The following RALGPS1 variants were observed in gnomAD, a reference collection of about 807,000 sequenced individuals.
The protein encoded by RALGPS1 is Ral GEF with PH domain and SH3 binding motif 1.
A neutral mutation model predicts 78.8 loss-of-function variants in RALGPS1; 19 were observed. That is an observed-to-expected ratio of 0.24 (90% CI 0.17 to 0.35). RALGPS1 has a LOEUF of 0.35. Among genes scored for constraint, RALGPS1 ranks in the 10% least tolerant of loss-of-function variants. The pLI is 1.00. For synonymous variants in RALGPS1, 228 were observed against 256.3 expected, an observed-to-expected ratio of 0.89 and a Z score of 1.06; for missense variants, 454 against 688.3, an observed-to-expected ratio of 0.66 and a Z score of 3.81.
chr9:127,051,056 C>G (rs2048268490), intron 6 of RALGPS1, among the ~76,000 whole-genome samples: 1 of 152,224 alleles, frequency 6.6e-6, no homozygotes, highest in East Asian at 1.9e-4. Context: ...GGAGTCGTGC[C>G]TCTCTGCCTT....
chr9:127,010,586 G>A (rs2044250041), intron 4 of RALGPS1, among the ~76,000 whole-genome samples: 1 of 152,092 alleles, frequency 6.6e-6, no homozygotes, highest in Non-Finnish European at 1.5e-5. Flanking sequence ...TGCCTCTTGG[G>A]GCCCTTCTGG....
rs150427217 is a variant in RALGPS1 at position 126,974,621 on chromosome 9, T to G, written c.166-3074T>G. On this transcript the variant is annotated intron_variant, in intron 3 of 18. Transcript: ENST00000259351. The stretch of plus-strand genomic sequence containing the variant: ...CCCTGGACTAGGAGGAAGGAGGAGA[T>G]GGGAGAAGGCTTAAGGAAGCCATTG... Among the ~76,000 whole-genome samples the G allele has an allele frequency of 8.2e-3, 1,248 of 152,082 alleles. 9 individuals carry two copies. Among genetic ancestry groups the G allele is most frequent in the Non-Finnish European group, 0.013 (866 of 67,990 alleles).
intron 7 of RALGPS1, among the ~76,000 whole-genome samples, chr9:127,062,435 A>C (rs982272472): frequency 1.2e-4 from 19 of 152,194 alleles, no homozygotes; most frequent in African/African-American, 3.6e-4. Context: ...CATGACTCAT[A>C]CAAATATAAG....
intron 8 of RALGPS1, among the ~76,000 whole-genome samples, chr9:127,118,727 C>G (rs909570031): frequency 6.6e-6 from 1 of 152,242 alleles, no homozygotes; most frequent in Non-Finnish European, 1.5e-5. Flanking sequence ...CCCAGTCCTG[C>G]TGGGCTGTGG....
chr9:126,946,470 G>A (rs1379391395), intron 1 of RALGPS1, among the ~76,000 whole-genome samples: 2 of 147,318 alleles, frequency 1.4e-5, no homozygotes, highest in Non-Finnish European at 1.5e-5. Flanking sequence ...GGAGACGGAG[G>A]TTGCAGTGAG....
chr9:127,126,620 A>G (rs1564629650), intron 8 of RALGPS1, among the ~76,000 whole-genome samples: 1 of 152,224 alleles, frequency 6.6e-6, no homozygotes. Context: ...TTTTGTCTAC[A>G]GCATTTAATC....
intron 8 of RALGPS1, among the ~76,000 whole-genome samples, chr9:127,105,933 G>A (rs914213660): frequency 6.6e-6 from 1 of 152,200 alleles, no homozygotes; most frequent in African/African-American, 2.4e-5. Context: ...ATGCTTGATT[G>A]TATTGTATCC....
At chr9:127,056,000 T>C (rs751832740) in intron 7 of RALGPS1, among the ~76,000 whole-genome samples, 3 of 152,170 alleles carry the variant, frequency 2.0e-5, no homozygotes, top group African/African-American at 4.8e-5. Flanking sequence ...GCCAGAGAGC[T>C]GCAGCAGGAC....
intron 6 of RALGPS1, among the ~76,000 whole-genome samples, 163 bp downstream of exon 6, chr9:127,050,295 G>T (rs986494117): frequency 6.6e-6 from 1 of 152,174 alleles, no homozygotes; most frequent in African/African-American, 2.4e-5. Context: ...AGAGCCAGCT[G>T]TTAGACCTGC....
At chr9:127,056,896 C>T (rs1317223609) in intron 7 of RALGPS1, among the ~76,000 whole-genome samples, 1 of 152,216 alleles carries the variant, frequency 6.6e-6, no homozygotes, top group Admixed American at 6.5e-5. Flanking sequence ...TGTTTCCTCT[C>T]TGCTCACTTG....
Position 127,220,040 on chromosome 9 carries a change from G to A in RALGPS1, c.*1271G>A, listed in dbSNP as rs1408485668. The A allele has an allele frequency of 2.0e-5, 3 of 152,774 alleles. No individual in the cohort carries two copies. The highest frequency in any genetic ancestry group is 2.4e-5 in the African/African-American group (1 of 41,576). The allele number at this position is 152,774 out of a possible 1,614,324, so 9.5% of individuals were successfully genotyped here. ...ATCACATCCTTATCTGTCACCTTGTGTCACATTTTAAAGTGACTTTTATTT... is the reference window on the plus strand; with the variant it reads ...ATCACATCCTTATCTGTCACCTTGTATCACATTTTAAAGTGACTTTTATTT... On this transcript the variant is annotated 3_prime_UTR_variant, in exon 19 of 19. Coordinates refer to ENST00000259351, the MANE Select transcript of RALGPS1 (RefSeq NM_014636.3).
intron 1 of RALGPS1, among the ~76,000 whole-genome samples, chr9:126,922,103 C>T (rs548079947): frequency 6.6e-6 from 1 of 152,312 alleles, no homozygotes; most frequent in Non-Finnish European, 1.5e-5. Context: ...GAGGACGGAG[C>T]CATTCTGGGC....
At chr9:127,119,581 A>G (rs900173278) in intron 8 of RALGPS1, among the ~76,000 whole-genome samples, 1 of 152,218 alleles carries the variant, frequency 6.6e-6, no homozygotes, top group Non-Finnish European at 1.5e-5. Flanking sequence ...TAAAACTAGA[A>G]CCTACCTTCT....
chr9:127,117,364 G>A (rs2055545071), intron 8 of RALGPS1, among the ~76,000 whole-genome samples: 1 of 152,220 alleles, frequency 6.6e-6, no homozygotes, highest in Non-Finnish European at 1.5e-5. Flanking sequence ...TATCCAGGAT[G>A]GCACCTAGGT....
chr9:127,079,219 G>C (rs578160417), intron 8 of RALGPS1, among the ~76,000 whole-genome samples: 1 of 152,176 alleles, frequency 6.6e-6, no homozygotes, highest in African/African-American at 2.4e-5. Context: ...TCATGGGTGG[G>C]GACAGAGTGG....
chr9:127,090,592 C>A (rs1250921603), intron 8 of RALGPS1, among the ~76,000 whole-genome samples: 1 of 152,216 alleles, frequency 6.6e-6, no homozygotes, highest in Non-Finnish European at 1.5e-5. Context: ...ATCCCCTCCA[C>A]CTTAGTATGT....
intron 3 of RALGPS1, among the ~76,000 whole-genome samples, chr9:126,977,180 G>C (rs949735138): frequency 6.6e-6 from 1 of 152,188 alleles, no homozygotes; most frequent in Non-Finnish European, 1.5e-5. Context: ...GTCTGTGGGT[G>C]CGTCTTGAAT....
intron 6 of RALGPS1, among the ~76,000 whole-genome samples, chr9:127,051,389 T>C (rs1016118843): frequency 6.6e-6 from 1 of 152,186 alleles, no homozygotes; most frequent in African/African-American, 2.4e-5. Context: ...TCTTTCCTTG[T>C]GCAAGCCCCT....
chr9:127,002,516 T>C (rs1408000487), intron 4 of RALGPS1, among the ~76,000 whole-genome samples: 1 of 149,754 alleles, frequency 6.7e-6, no homozygotes, highest in Non-Finnish European at 1.5e-5. Context: ...TACATATGTA[T>C]ACATGTGCCA....
Sources: gnomAD v4.1 joint callset for allele counts (sites outside exome capture counted in the v4.1 genomes callset) on GRCh38, gnomAD v4.1.1 for gene constraint, MANE v1.5 for transcripts, NCBI Gene and HGNC (gene_info 2026-07-23, HGNC 2026-07-21) for gene names.